The following RBMS3 variants were observed in gnomAD, a reference collection of about 807,000 sequenced individuals.
RBMS3 encodes the protein RNA binding motif single stranded interacting protein 3.
Under a neutral mutation model 66.8 loss-of-function variants are expected in RBMS3, and 27 were observed. The observed-to-expected ratio is 0.40, with a 90% CI of 0.30 to 0.56. The LOEUF (loss-of-function observed/expected upper bound fraction) is 0.56. Among genes scored for constraint, RBMS3 ranks in the 20% least tolerant of loss-of-function variants. The pLI is 0.40. For missense variants in RBMS3, 513 were observed against 549.5 expected (o/e 0.93, Z 0.66); for synonymous variants, 188 against 183.0 (o/e 1.03, Z -0.22).
intron 1 of RBMS3, among the ~76,000 whole-genome samples, chr3:29,333,637 G>A (rs1379536422): frequency 1.3e-5 from 2 of 152,082 alleles, no homozygotes; most frequent in Non-Finnish European, 2.9e-5. Flanking sequence ...GAACTAGGGT[G>A]GGTAAGTCTT....
intron 6 of RBMS3, among the ~76,000 whole-genome samples, chr3:29,794,139 T>G (rs1285969247): frequency 6.6e-6 from 1 of 152,172 alleles, no homozygotes; most frequent in Non-Finnish European, 1.5e-5. Flanking sequence ...TTAAACCTCT[T>G]TTCTTATAAA....
intron 2 of RBMS3, among the ~76,000 whole-genome samples, chr3:29,461,471 A>T (rs2042367151): frequency 6.6e-6 from 1 of 152,216 alleles, no homozygotes; most frequent in Non-Finnish European, 1.5e-5. Flanking sequence ...GGTTTCACAC[A>T]ATTCCAAAAA....
chr3:29,806,057 T>A (rs1411315540), intron 6 of RBMS3, among the ~76,000 whole-genome samples: 3 of 151,986 alleles, frequency 2.0e-5, no homozygotes, highest in Admixed American at 2.0e-4. Flanking sequence ...TTGTTCAAAA[T>A]ATTTGAGAAG....
At chr3:29,359,127 T>G (rs1397681527) in intron 1 of RBMS3, among the ~76,000 whole-genome samples, 1 of 152,198 alleles carries the variant, frequency 6.6e-6, no homozygotes, top group African/African-American at 2.4e-5. Context: ...CTTGTGCCAG[T>G]TTTCAAAGGG....
At chr3:29,841,701 T>A (rs1040606048) in intron 6 of RBMS3, among the ~76,000 whole-genome samples, 1 of 152,022 alleles carries the variant, frequency 6.6e-6, no homozygotes, top group Non-Finnish European at 1.5e-5. Context: ...AAATAATGCT[T>A]TTAGATATAG....
intron 3 of RBMS3, among the ~76,000 whole-genome samples, chr3:29,573,716 C>T (rs1164412711): frequency 6.6e-6 from 1 of 152,098 alleles, no homozygotes; most frequent in Non-Finnish European, 1.5e-5. Context: ...AAACTTCCCT[C>T]TGAGTACTGC....
chr3:29,640,437 A>G (rs1351990957), intron 4 of RBMS3, among the ~76,000 whole-genome samples: 1 of 151,960 alleles, frequency 6.6e-6, no homozygotes, highest in Non-Finnish European at 1.5e-5. Context: ...ACACAATTCT[A>G]AATTTAACAG....
chr3:29,547,807 A>ATTTTTTTTTTTTTTTTTTTTTTTTTTTTT (rs3043400), intron 3 of RBMS3, among the ~76,000 whole-genome samples: 1 of 93,298 alleles, frequency 1.1e-5, no homozygotes, highest in South Asian at 3.8e-4. Context: ...TTGTGGATTG[A>ATTTTTTTTTTTTTTTTTTTTTTTTTTTTT]TTTTTTTTTT....
chr3:29,698,101 G>A (rs2052364756), intron 4 of RBMS3: 1 of 644,314 alleles, frequency 1.6e-6, no homozygotes, highest in South Asian at 6.9e-5. Flanking sequence ...TTCATTTTAT[G>A]TGAGCTCCCT....
At chr3:29,339,043 C>T (rs543102787) in intron 1 of RBMS3, among the ~76,000 whole-genome samples, 9 of 152,256 alleles carry the variant, frequency 5.9e-5, no homozygotes, top group Non-Finnish European at 1.3e-4. Flanking sequence ...CACTGTAAGC[C>T]AGGAGACTCC....
At chr3:29,674,004 A>G (rs1366016268) in intron 4 of RBMS3, among the ~76,000 whole-genome samples, 2 of 152,224 alleles carry the variant, frequency 1.3e-5, no homozygotes, top group African/African-American at 2.4e-5. Context: ...AAAATCCTCA[A>G]TAAAATACTG....
At position 29,407,264 on chromosome 3, in the gene RBMS3, T is replaced by C. The variant is rs1265260276; in HGVS notation, c.76-27479T>C. On this transcript the variant is annotated intron_variant, in intron 1 of 14. Coordinates refer to ENST00000383767, the MANE Select transcript of RBMS3 (RefSeq NM_001003793.3). The stretch of plus-strand genomic sequence containing the variant: ...CACAACTGCCTAAGAAGGTTGATAC[T>C]GGCCTTATTCTCAGTTTTCAGACAT... 2.0e-5 allele frequency among the ~76,000 whole-genome samples: 3 copies of C among 152,228 alleles called. No homozygotes were observed. The East Asian group carries it at 5.8e-4, about 29-fold the overall frequency.
At chr3:29,645,690 G>A (rs538102895) in intron 4 of RBMS3, among the ~76,000 whole-genome samples, 1 of 152,218 alleles carries the variant, frequency 6.6e-6, no homozygotes, top group South Asian at 2.1e-4. Flanking sequence ...TTTTGACTTT[G>A]AGGCAGAGTC....
chr3:29,772,903 A>G (rs2056270875), intron 6 of RBMS3, among the ~76,000 whole-genome samples: 1 of 152,078 alleles, frequency 6.6e-6, no homozygotes, highest in African/African-American at 2.4e-5. Context: ...AGCATCTGAA[A>G]CAAGAAGCTT....
chr3:29,284,444 A>C (rs2032098328), intron 1 of RBMS3, among the ~76,000 whole-genome samples: 1 of 152,132 alleles, frequency 6.6e-6, no homozygotes, highest in Non-Finnish European at 1.5e-5. Context: ...ACACATGCTG[A>C]ACTCTCTTTT....
At chr3:29,986,396 T>G (rs1457392691) in intron 12 of RBMS3, among the ~76,000 whole-genome samples, 1 of 152,230 alleles carries the variant, frequency 6.6e-6, no homozygotes, top group African/African-American at 2.4e-5. Flanking sequence ...TTTAATAGGC[T>G]TCTTCTGTAA....
intron 1 of RBMS3, among the ~76,000 whole-genome samples, chr3:29,365,033 T>C (rs940802900): frequency 1.3e-5 from 2 of 152,110 alleles, no homozygotes; most frequent in African/African-American, 4.8e-5. Flanking sequence ...TTCTCAAGGG[T>C]CAAAATGGAA....
intron 4 of RBMS3, among the ~76,000 whole-genome samples, chr3:29,734,508 A>T (rs376362172): frequency 6.6e-6 from 1 of 152,246 alleles, no homozygotes. Context: ...ATCACTTTGC[A>T]CCACATACAT....
chr3:29,591,709 C>G (rs1174609650), intron 4 of RBMS3, among the ~76,000 whole-genome samples: 1 of 152,164 alleles, frequency 6.6e-6, no homozygotes, highest in Admixed American at 6.5e-5. Flanking sequence ...CCAGCCAGTC[C>G]TTGAGTAATC....
Sources: gnomAD v4.1 joint callset for allele counts (sites outside exome capture counted in the v4.1 genomes callset) on GRCh38, gnomAD v4.1.1 for gene constraint, MANE v1.5 for transcripts, NCBI Gene and HGNC (gene_info 2026-07-23, HGNC 2026-07-21) for gene names.